Variants in SGCZ observed in about 807,000 individuals in gnomAD.
SGCZ encodes sarcoglycan zeta.
Under a neutral mutation model 41.3 loss-of-function variants are expected in SGCZ, and 40 were observed. The ratio of observed to expected loss-of-function variants is 0.97; its 90% CI spans 0.75 to 1.26. The LOEUF (loss-of-function observed/expected upper bound fraction) is 1.26. Ranked by LOEUF, SGCZ falls within the 50% of genes most tolerant of loss-of-function variation. The probability of loss-of-function intolerance (pLI) is 0.00; values close to 1 mark genes in which losing one functional copy is unlikely to be tolerated. For synonymous variants in SGCZ, 206 were observed against 137.5 expected, an observed-to-expected ratio of 1.50 and a Z score of -3.49; for missense variants, 552 against 369.8, an observed-to-expected ratio of 1.49 and a Z score of -4.04.
intron 1 of SGCZ, among the ~76,000 whole-genome samples, chr8:14,716,840 A>G (rs1809705620): frequency 6.6e-6 from 1 of 152,114 alleles, no homozygotes; most frequent in Admixed American, 6.5e-5. Context: ...TAATACTCCT[A>G]TATTTATAGC....
At chr8:15,191,811 A>G (rs1800550071) in intron 1 of SGCZ, among the ~76,000 whole-genome samples, 1 of 152,068 alleles carries the variant, frequency 6.6e-6, no homozygotes, top group Admixed American at 6.5e-5. Context: ...ACTCAGTCCT[A>G]CCTATTTAAT....
At chr8:15,225,996 G>A (rs1315531400) in intron 1 of SGCZ, among the ~76,000 whole-genome samples, 1 of 152,144 alleles carries the variant, frequency 6.6e-6, no homozygotes, top group Non-Finnish European at 1.5e-5. Context: ...CCATAGAACA[G>A]CTAAACGCAG....
chr8:14,387,436 T>C (rs951057302), intron 2 of SGCZ, among the ~76,000 whole-genome samples: 4 of 152,330 alleles, frequency 2.6e-5, no homozygotes, highest in East Asian at 1.9e-4. Context: ...CAAAAACCTT[T>C]ACTTGTCAAA....
intron 3 of SGCZ, among the ~76,000 whole-genome samples, chr8:14,296,171 G>C (rs1239184198): frequency 6.6e-6 from 1 of 152,104 alleles, no homozygotes; most frequent in Non-Finnish European, 1.5e-5. Flanking sequence ...ATCTGATCTG[G>C]CAGGAGACTA....
chr8:14,391,951 C>T (rs973823952), intron 2 of SGCZ, among the ~76,000 whole-genome samples: 6 of 152,070 alleles, frequency 3.9e-5, no homozygotes, highest in South Asian at 2.1e-4. Context: ...ACAGTACAAA[C>T]GGGGAGATTC....
chr8:14,533,610 G>T (rs1803204710), intron 2 of SGCZ, among the ~76,000 whole-genome samples: 1 of 151,994 alleles, frequency 6.6e-6, no homozygotes, highest in Admixed American at 6.6e-5. Flanking sequence ...AAATTTGAAA[G>T]AGTGGAGAGG....
In SGCZ at chr8:14,325,743, C is replaced by T. The variant is rs997252624; in HGVS notation, c.235-1539G>A. Among the ~76,000 whole-genome samples, 149 of 66,868 alleles carry T rather than the reference C, an allele frequency of 2.2e-3. 2 individuals are homozygous for T. The highest frequency in any genetic ancestry group is 0.01 in the African/African-American group (145 of 14,120). The allele number at this position is 66,868 out of a possible 152,430, so 43.9% of individuals were successfully genotyped here. A position where few individuals can be genotyped will look rare whatever the true frequency, so the allele number is the denominator to read the frequency against. ...ATACACACACACACACACACACACA[C>T]ACACATATATATATATATATATATA... is the stretch of plus-strand genomic sequence containing the variant. On this transcript the variant is annotated intron_variant, in intron 2 of 7. Transcript: ENST00000382080.
intron 5 of SGCZ, among the ~76,000 whole-genome samples, chr8:14,146,027 A>G (rs1343771311): frequency 6.6e-6 from 1 of 152,214 alleles, no homozygotes. Flanking sequence ...ACATTTATTC[A>G]AAAGGACAAT....
intron 1 of SGCZ, among the ~76,000 whole-genome samples, chr8:14,963,246 T>C (rs935692079): frequency 6.6e-6 from 1 of 152,060 alleles, no homozygotes; most frequent in African/African-American, 2.4e-5. Flanking sequence ...AGCAAATGTA[T>C]ACAGATGAAA....
chr8:14,223,366 G>C (rs771442436), intron 4 of SGCZ, among the ~76,000 whole-genome samples: 31 of 152,042 alleles, frequency 2.0e-4, no homozygotes, highest in Non-Finnish European at 4.1e-4. Flanking sequence ...ACATTTGTAA[G>C]TTAATTTTAG....
intron 1 of SGCZ, among the ~76,000 whole-genome samples, chr8:15,227,064 C>A (rs1055859849): frequency 7.2e-5 from 11 of 152,180 alleles, no homozygotes; most frequent in African/African-American, 9.7e-5. Context: ...GTAAAGATTT[C>A]TAGCAGATTG....
chr8:14,534,129 G>A (rs1803221820), intron 2 of SGCZ, among the ~76,000 whole-genome samples: 1 of 152,002 alleles, frequency 6.6e-6, no homozygotes, highest in African/African-American at 2.4e-5. Flanking sequence ...TAGCCACTTG[G>A]AGTTGGAAAC....
At chr8:14,653,493 T>C (rs1268859022) in intron 1 of SGCZ, among the ~76,000 whole-genome samples, 1 of 152,152 alleles carries the variant, frequency 6.6e-6, no homozygotes, top group Non-Finnish European at 1.5e-5. Flanking sequence ...AGTCTCACTA[T>C]TATTCAGTAG....
chr8:14,947,110 T>A (rs2130829556), intron 1 of SGCZ, among the ~76,000 whole-genome samples: 1 of 152,318 alleles, frequency 6.6e-6, no homozygotes, highest in African/African-American at 2.4e-5. Context: ...TCAATAGAGT[T>A]TAATCCAACT....
At chr8:14,434,143 C>A (rs1364641906) in intron 2 of SGCZ, among the ~76,000 whole-genome samples, 1 of 152,134 alleles carries the variant, frequency 6.6e-6, no homozygotes, top group Non-Finnish European at 1.5e-5. Flanking sequence ...TTGATTTTTG[C>A]ATAAGCTGAG....
intron 1 of SGCZ, among the ~76,000 whole-genome samples, chr8:15,061,125 A>T (rs1238316862): frequency 1.3e-5 from 2 of 152,126 alleles, no homozygotes; most frequent in African/African-American, 4.8e-5. Context: ...AGCTACTATA[A>T]TCTGAATGTA....
chr8:14,289,297 C>G (rs1352285859), intron 3 of SGCZ, among the ~76,000 whole-genome samples: 4 of 150,422 alleles, frequency 2.7e-5, no homozygotes, highest in African/African-American at 9.8e-5. Flanking sequence ...TCTGTTATTT[C>G]TCTTTGGTTG....
intron 2 of SGCZ, among the ~76,000 whole-genome samples, chr8:14,393,052 G>C (rs116741355): frequency 0.012 from 1,858 of 152,024 alleles, 41 homozygotes; most frequent in African/African-American, 0.04. Flanking sequence ...ATTTCTGTGG[G>C]AGCCATATGA....
chr8:14,444,669 G>C (rs1377279906), intron 2 of SGCZ, among the ~76,000 whole-genome samples: 1 of 138,910 alleles, frequency 7.2e-6, no homozygotes, highest in Non-Finnish European at 1.6e-5. Context: ...TTGTGGGGTG[G>C]GGGGATGGGG....
Sources: gnomAD v4.1 joint callset for allele counts (sites outside exome capture counted in the v4.1 genomes callset) on GRCh38, gnomAD v4.1.1 for gene constraint, MANE v1.5 for transcripts, NCBI Gene and HGNC (gene_info 2026-07-23, HGNC 2026-07-21) for gene names.